Variants in EYS observed in about 807,000 individuals in gnomAD.
EYS encodes the protein protein eyes shut homolog.
In EYS, 250 loss-of-function variants were observed where a neutral mutation model predicts 282.1. The observed-to-expected ratio is 0.89, with a 90% CI of 0.80 to 0.98. EYS has a LOEUF of 0.98. Ranked by LOEUF, EYS falls within the 50% of genes least tolerant of loss-of-function variation. EYS has a pLI of 0.00. For missense variants in EYS, 4,016 were observed against 3,709.0 expected (o/e 1.08, Z -2.15); for synonymous variants, 1,355 against 1,282.9 (o/e 1.06, Z -1.20).
At chr6:64,875,459 T>G (rs899525082) in intron 19 of EYS, among the ~76,000 whole-genome samples, 3 of 152,174 alleles carry the variant, frequency 2.0e-5, no homozygotes, top group Non-Finnish European at 4.4e-5. Flanking sequence ...GCCTCTGATA[T>G]CAGTTGCATT....
intron 13 of EYS, among the ~76,000 whole-genome samples, chr6:65,000,249 G>A (rs531120635): frequency 2.6e-5 from 4 of 152,124 alleles, no homozygotes; most frequent in African/African-American, 7.2e-5. Context: ...CCCTGCAAGG[G>A]GGAAAAAGGA....
intron 33 of EYS, among the ~76,000 whole-genome samples, chr6:64,003,165 G>A (rs1430466995): frequency 6.6e-6 from 1 of 152,156 alleles, no homozygotes; most frequent in Non-Finnish European, 1.5e-5. Context: ...CAACAACATG[G>A]ATGGAACTGG....
chr6:64,891,033 T>C (rs1300394209), intron 18 of EYS, among the ~76,000 whole-genome samples: 1 of 152,102 alleles, frequency 6.6e-6, no homozygotes, highest in African/African-American at 2.4e-5. Context: ...TTCAAGAATC[T>C]GTTAAACCAC....
chr6:65,007,639 T>C (rs527935416), intron 13 of EYS, among the ~76,000 whole-genome samples: 1 of 152,118 alleles, frequency 6.6e-6, no homozygotes, highest in Non-Finnish European at 1.5e-5. Context: ...CCCCTAACTC[T>C]TTCCCCAATG....
intron 35 of EYS, among the ~76,000 whole-genome samples, chr6:63,903,811 TATC>T (rs1166668268): frequency 6.6e-6 from 1 of 152,222 alleles, no homozygotes; most frequent in Admixed American, 6.5e-5. Flanking sequence ...CAGAAATAGC[TATC>T]AGGTGAGGCA....
intron 1 of EYS, among the ~76,000 whole-genome samples, chr6:65,669,200 G>A (rs1344470541): frequency 2.0e-5 from 3 of 151,886 alleles, no homozygotes; most frequent in Non-Finnish European, 4.4e-5. Context: ...TGCTCTTGAG[G>A]TACCTGCTTC....
At chr6:65,616,049 C>T (rs1343283298) in intron 2 of EYS, among the ~76,000 whole-genome samples, 2 of 149,176 alleles carry the variant, frequency 1.3e-5, no homozygotes, top group East Asian at 1.9e-4. Context: ...CATGTTAATG[C>T]ATTAGCATCA....
rs73765762 is a variant in EYS, at chr6:65,108,785, C to T, written c.2024-51058G>A. On this transcript the variant is annotated intron_variant, in intron 12 of 42. Transcript: ENST00000503581. ...ATATGTTCATATATAATTTTTTCTG[C>T]CCTATGCTTTCTCCACTCTGTTACT... Among the ~76,000 whole-genome samples, 422 of 152,148 alleles carry T rather than the reference C, an allele frequency of 2.8e-3. 6 individuals are homozygous for T. Among genetic ancestry groups the T allele is most frequent in the Middle Eastern group, 0.01 (3 of 294 alleles).
intron 26 of EYS, among the ~76,000 whole-genome samples, chr6:64,485,098 A>T (rs758880310): frequency 6.6e-6 from 1 of 151,660 alleles, no homozygotes; most frequent in Non-Finnish European, 1.5e-5. Flanking sequence ...GCCCCCAAAA[A>T]AGGAAAGAAA....
At chr6:64,501,234 G>C (rs62415783) in intron 26 of EYS, among the ~76,000 whole-genome samples, 9 of 151,786 alleles carry the variant, frequency 5.9e-5, no homozygotes, top group African/African-American at 2.2e-4. Context: ...ACAGTATTCA[G>C]CATAAGTGAA....
At chr6:64,329,702 A>G (rs1770567252) in intron 29 of EYS, among the ~76,000 whole-genome samples, 1 of 152,116 alleles carries the variant, frequency 6.6e-6, no homozygotes, top group Non-Finnish European at 1.5e-5. Context: ...AGTTCCTTAA[A>G]TTTGGGATAA....
At chr6:63,969,703 A>G (rs1562123632) in intron 35 of EYS, among the ~76,000 whole-genome samples, 1 of 152,208 alleles carries the variant, frequency 6.6e-6, no homozygotes, top group African/African-American at 2.4e-5. Context: ...GGACACATCA[A>G]TCAGTGCAAC....
At chr6:63,914,013 T>G (rs1003879291) in intron 35 of EYS, among the ~76,000 whole-genome samples, 1 of 152,196 alleles carries the variant, frequency 6.6e-6, no homozygotes, top group African/African-American at 2.4e-5. Flanking sequence ...TGATCCCTGA[T>G]GTTACTATTG....
At chr6:64,034,706 T>C (rs1239067858) in intron 33 of EYS, among the ~76,000 whole-genome samples, 1 of 152,148 alleles carries the variant, frequency 6.6e-6, no homozygotes, top group Non-Finnish European at 1.5e-5. Context: ...CTATGCTGTC[T>C]TAAAGTTGTA....
At chr6:65,258,850 T>C (rs992189066) in intron 12 of EYS, among the ~76,000 whole-genome samples, 6 of 152,052 alleles carry the variant, frequency 3.9e-5, no homozygotes, top group Non-Finnish European at 8.8e-5. Context: ...CTAAAATTGG[T>C]AAAGCATTTG....
intron 13 of EYS, among the ~76,000 whole-genome samples, chr6:65,029,826 G>T (rs1462291753): frequency 1.3e-5 from 2 of 152,158 alleles, no homozygotes; most frequent in African/African-American, 4.8e-5. Flanking sequence ...GATACCCGGG[G>T]CTGAATGGGG....
chr6:64,369,955 T>C (rs79837254), intron 29 of EYS, among the ~76,000 whole-genome samples: 6 of 152,014 alleles, frequency 3.9e-5, no homozygotes, highest in African/African-American at 1.4e-4. Flanking sequence ...TTTCTTGGTA[T>C]AGAATCATAT....
chr6:65,510,014 T>C (rs532452339), intron 2 of EYS, among the ~76,000 whole-genome samples: 1 of 152,060 alleles, frequency 6.6e-6, no homozygotes, highest in Non-Finnish European at 1.5e-5. Flanking sequence ...TTTTCTTTTT[T>C]TTTTCTTTTT....
rs144866034 is a variant in EYS at position 64,173,524 on chromosome 6, C to T, written c.6424+57068G>A. Among the ~76,000 whole-genome samples, 133 of 152,222 alleles carry T rather than the reference C, an allele frequency of 8.7e-4. 1 individual carries two copies. In the East Asian group the frequency reaches 0.01, roughly 12 times the overall value. ...ACCTGTTTGATTCCCTCCCTCTATC[C>T]GCTTCCCATTTATCCCCCAAGTTAG... is the stretch of plus-strand genomic sequence containing the variant. On this transcript the variant is annotated intron_variant, in intron 31 of 42. Coordinates refer to ENST00000503581, the MANE Select transcript of EYS (RefSeq NM_001142800.2).
Sources: gnomAD v4.1 joint callset for allele counts (sites outside exome capture counted in the v4.1 genomes callset) on GRCh38, gnomAD v4.1.1 for gene constraint, MANE v1.5 for transcripts, NCBI Gene and HGNC (gene_info 2026-07-23, HGNC 2026-07-21) for gene names.